The following ST6GALNAC2 variants were observed in gnomAD, a reference collection of about 807,000 sequenced individuals.
The protein encoded by ST6GALNAC2 is alpha-N-acetylgalactosaminide alpha-2,6-sialyltransferase 2.
Under a neutral mutation model 38.7 loss-of-function variants are expected in ST6GALNAC2, and 42 were observed. The observed-to-expected ratio is 1.09, with a 90% CI of 0.85 to 1.40. The LOEUF (loss-of-function observed/expected upper bound fraction) is 1.40, where lower values mean the gene tolerates loss of function less well. Among genes scored for constraint, ST6GALNAC2 ranks in the 40% most tolerant of loss-of-function variants. ST6GALNAC2 has a pLI of 0.00. For synonymous variants in ST6GALNAC2, 233 were observed against 209.0 expected (o/e 1.11, Z -0.99); for missense variants, 506 against 481.7 (o/e 1.05, Z -0.47).
intron 7 of ST6GALNAC2, 167 bp from the exon 8 acceptor site, chr17:76,567,719 A>T: frequency 2.5e-5 from 13 of 512,252 alleles, no homozygotes; most frequent in East Asian, 6.8e-5. Flanking sequence ...TTGAGACCTT[A>T]GGTAAGGTTG....
intron 2 of ST6GALNAC2, 109 bp from the exon 3 acceptor site, chr17:76,574,648 T>G: frequency 2.2e-6 from 2 of 890,856 alleles, no homozygotes; most frequent in Non-Finnish European, 3.3e-6. Flanking sequence ...GCCTGCCCTG[T>G]CCCCTCCAGA....
At chr17:76,567,929 G>GA in intron 7 of ST6GALNAC2, 1 of 265,044 alleles carries the variant, frequency 3.8e-6, no homozygotes, top group Non-Finnish European at 7.5e-6. Flanking sequence ...CCCTGTGACC[G>GA]GACCCACACA....
Position 76,573,343 on chromosome 17 carries a change from G to A in ST6GALNAC2, c.382C>T (p.Leu128Phe). 1 of 1,561,878 alleles carries A rather than the reference G, an allele frequency of 6.4e-7. No homozygotes were observed. Among genetic ancestry groups the A allele is most frequent in the Non-Finnish European group, 8.7e-7 (1 of 1,152,854 alleles). ...SHQVIASTLS[L>F]LNGSESAKLF... ...TTGGCACTCTCTGAGCCGTTCAGAA[G>A]GCTCAGGGTGGAGGCGATGACTGTG... is the stretch of plus-strand genomic sequence containing the variant. Residue 128 changes from leucine (L) to phenylalanine (F), a missense_variant, in exon 4 of 9, where the codon CTT becomes TTT. Leu to Phe is a conservative substitution (Grantham distance 22). Coordinates refer to ENST00000225276, the MANE Select transcript of ST6GALNAC2 (RefSeq NM_006456.3). The surrounding 1 kb of genome is among the most constrained non-coding windows in gnomAD (Gnocchi z 5.1).
chr17:76,568,840 T>A, intron 6 of ST6GALNAC2, 44 bp from the exon 7 acceptor site: 1 of 1,598,544 alleles, frequency 6.3e-7, no homozygotes, highest in Non-Finnish European at 8.6e-7. Context: ...AGAGCCGTCG[T>A]ATTGCAAGGG....
intron 1 of ST6GALNAC2, 114 bp downstream of exon 1, chr17:76,585,570 T>C: frequency 8.3e-7 from 1 of 1,210,752 alleles, no homozygotes; most frequent in Non-Finnish European, 1.1e-6. Context: ...CCCAGAGGGG[T>C]CCACGCGGAG....
chr17:76,574,445 C>T lies in ST6GALNAC2; in HGVS notation c.281G>A (p.Gly94Glu), dbSNP rs777496450. The T allele has an allele frequency of 6.2e-7, 1 of 1,613,936 alleles. No individual in the cohort carries two copies. The highest frequency in any genetic ancestry group is 1.1e-5 in the South Asian group (1 of 91,078). ...FNLSIPVLLWGDLFTPALWDR... is the reference protein window; with the variant it reads ...FNLSIPVLLWEDLFTPALWDR... ...CCAGAGCGCTGGGGTGAAGAGGTCC[C>T]CCCACAGCAGCACTGGAATGGAGAG... is the stretch of plus-strand genomic sequence containing the variant. Residue 94 changes from glycine (G) to glutamate (E), a missense_variant, in exon 3 of 9, where the codon GGG becomes GAG. Transcript: ENST00000225276.
In ST6GALNAC2 at chr17:76,570,595, G is replaced by A; in HGVS notation, c.743C>T (p.Pro248Leu). The change falls in exon 6 of 9, where the codon CCT becomes CTT. Residue 248 changes from proline (P) to leucine (L), a missense_variant. Pro to Leu is a moderately conservative substitution (Grantham distance 98, BLOSUM62 -3). Coordinates refer to ENST00000225276, the MANE Select transcript of ST6GALNAC2 (RefSeq NM_006456.3). Reference sequence around the variant, plus strand: ...CCCTTTATCTAGGCCCTCAGGGACAGGCACGCCCAGAATGGCCGATCTCAG... The same window carrying A: ...CCCTTTATCTAGGCCCTCAGGGACAAGCACGCCCAGAATGGCCGATCTCAG... ...VMLRSAILGV[P>L]VPEGLDKGDR... The A allele has an allele frequency of 6.2e-7, 1 of 1,613,066 alleles. No individual in the cohort carries two copies. The highest frequency in any genetic ancestry group is 8.5e-7 in the Non-Finnish European group (1 of 1,179,670).
In ST6GALNAC2 at chr17:76,572,829, T is replaced by G; in HGVS notation, c.531-54A>C. 1.9e-6 allele frequency: 3 copies of G among 1,607,336 alleles called. No individual in the cohort carries two copies. In the East Asian group the frequency reaches 6.7e-5, roughly 36 times the overall value. On this transcript the variant is annotated intron_variant, in intron 4 of 8. Transcript: ENST00000225276. ...TGCGGTTACACCAGGCCGTCTGTTC[T>G]GCTTCCATCTCCACGGCTCTGCCTG...
chr17:76,566,014 G>A lies in ST6GALNAC2; in HGVS notation c.*90C>T, dbSNP rs1181477356. The A allele has an allele frequency of 1.2e-5, 17 of 1,379,548 alleles. No homozygotes were observed. Among genetic ancestry groups the A allele is most frequent in the Non-Finnish European group, 1.6e-5 (16 of 1,016,572 alleles). The allele number at this position is 1,379,548 out of a possible 1,614,324, so 85.5% of individuals were successfully genotyped here. On this transcript the variant is annotated 3_prime_UTR_variant, in exon 9 of 9. Coordinates refer to ENST00000225276, the MANE Select transcript of ST6GALNAC2 (RefSeq NM_006456.3). ...CAGTGCCCTCTGTTGGCAAGGGAAG[G>A]TGAAGATTGAAAAGTTAAAAAAGCT...
At chr17:76,582,518 AC>A (rs1032010553) in intron 1 of ST6GALNAC2, among the ~76,000 whole-genome samples, 5 of 152,148 alleles carry the variant, frequency 3.3e-5, no homozygotes, top group Admixed American at 2.6e-4. Context: ...TAAAAACATA[AC>A]GTTGACAATG....
chr17:76,575,517 G>A (rs2075405857), intron 2 of ST6GALNAC2, among the ~76,000 whole-genome samples: 1 of 152,216 alleles, frequency 6.6e-6, no homozygotes. Context: ...CAGTGGAGCC[G>A]CCAGAGCTGG....
rs1473115318 is a variant in ST6GALNAC2 at position 76,573,864 on chromosome 17, TGTA to T, written c.361+498_361+500del. 1.3e-5 allele frequency among the ~76,000 whole-genome samples: 2 copies of T among 152,128 alleles called. No individual in the cohort carries two copies. Among genetic ancestry groups the T allele is most frequent in the Non-Finnish European group, 2.9e-5 (2 of 68,028 alleles). ...TCACTTGAACCCGGGAGGCGGAGGTTGTAGTGAGCTGAGATTGTGCCATTGCAC... is the reference window on the plus strand; with the variant it reads ...TCACTTGAACCCGGGAGGCGGAGGTTGTGAGCTGAGATTGTGCCATTGCAC... On this transcript the variant is annotated intron_variant, in intron 3 of 8. Transcript: ENST00000225276. The surrounding 1 kb of genome is among the most constrained non-coding windows in gnomAD (Gnocchi z 5.1).
At chr17:76,575,307 CT>C (rs11309959) in intron 2 of ST6GALNAC2, among the ~76,000 whole-genome samples, 5,340 of 152,180 alleles carry the variant, frequency 0.035, 319 homozygotes, top group African/African-American at 0.12. Flanking sequence ...CCAGTGGTGC[CT>C]TTAGGGAGTG....
intron 1 of ST6GALNAC2, chr17:76,581,165 C>T (rs62086617): frequency 0.42 from 63,897 of 152,178 alleles, 15,936 homozygotes; most frequent in East Asian, 0.57. Flanking sequence ...CTATAAGACC[C>T]TGGAGGGACG....
At chr17:76,579,340 TG>T (rs2075451149) in intron 1 of ST6GALNAC2, among the ~76,000 whole-genome samples, 1 of 152,218 alleles carries the variant, frequency 6.6e-6, no homozygotes, top group Non-Finnish European at 1.5e-5. Flanking sequence ...GGCAGAAATG[TG>T]GAGTTTATAG....
intron 5 of ST6GALNAC2, among the ~76,000 whole-genome samples, chr17:76,571,599 A>T (rs961452891): frequency 1.3e-5 from 2 of 152,244 alleles, no homozygotes; most frequent in Non-Finnish European, 2.9e-5. Context: ...GTCTCAAAAC[A>T]AAACAAAAGT....
At position 76,585,672 on chromosome 17, in the gene ST6GALNAC2, G is replaced by C. The variant is rs1370585454; in HGVS notation, c.125+12C>G. The C allele has an allele frequency of 1.3e-6, 2 of 1,520,254 alleles. No individual in the cohort carries two copies. Among genetic ancestry groups the C allele is most frequent in the Non-Finnish European group, 1.8e-6 (2 of 1,139,524 alleles). 94.2% of individuals were successfully genotyped at this position (1,520,254 alleles called of 1,614,324 possible). ...CCCTGCGCCCTCCCGCTCTGCGCTCGGCAGCCCCTACCTGGCTCCGGCCGC... is the reference window on the plus strand; with the variant it reads ...CCCTGCGCCCTCCCGCTCTGCGCTCCGCAGCCCCTACCTGGCTCCGGCCGC... On this transcript the variant is annotated intron_variant, in intron 1 of 8. Transcript: ENST00000225276.
intron 1 of ST6GALNAC2, among the ~76,000 whole-genome samples, chr17:76,583,985 T>C (rs2075512082): frequency 8.5e-6 from 1 of 117,328 alleles, no homozygotes; most frequent in South Asian, 3.0e-4. Context: ...TTTTTTGTAT[T>C]TTTTAGTAGA....
chr17:76,581,478 G>A (rs1387338397), intron 1 of ST6GALNAC2, among the ~76,000 whole-genome samples: 2 of 150,954 alleles, frequency 1.3e-5, no homozygotes, highest in African/African-American at 4.8e-5. Flanking sequence ...CTGCTGTGCA[G>A]CCAGGCTGGA....
Sources: gnomAD v4.1 joint callset for allele counts (sites outside exome capture counted in the v4.1 genomes callset) on GRCh38, gnomAD v4.1.1 for gene constraint, Gnocchi (gnomAD v3.1) non-coding constraint, MANE v1.5 for transcripts, NCBI Gene and HGNC (gene_info 2026-07-23, HGNC 2026-07-21) for gene names.